Variants in SIPA1 observed in about 807,000 individuals in gnomAD.
The protein encoded by SIPA1 is signal-induced proliferation-associated protein 1.
In SIPA1, 51 loss-of-function variants were observed where a neutral mutation model predicts 88.1. The ratio of observed to expected loss-of-function variants is 0.58; its 90% confidence interval spans 0.46 to 0.73. SIPA1 has a LOEUF of 0.73. Among genes scored for constraint, SIPA1 ranks in the 30% least tolerant of loss-of-function variants. The pLI is 0.00. For missense variants in SIPA1, 1,348 were observed against 1,467.6 expected, an observed-to-expected ratio of 0.92 and a Z score of 1.33; for synonymous variants, 681 against 664.8, an observed-to-expected ratio of 1.02 and a Z score of -0.37.
chr11:65,642,255 C>A lies in SIPA1; in HGVS notation c.685C>A (p.Gln229Lys), dbSNP rs751360522. The change falls in exon 3 of 16, where the codon CAG (glutamine) becomes AAG (lysine). Residue 229 changes from glutamine to lysine, a missense_variant. Around this residue, in one of 4 missense-constraint regions of SIPA1, gnomAD observed 641 missense variants for 797.7 expected, o/e 0.80. Coordinates refer to ENST00000534313, the MANE Select transcript of SIPA1 (RefSeq NM_006747.4). The surrounding 1 kb of genome is among the most constrained non-coding windows in gnomAD (Gnocchi z 6.5). ...TCTTCGGCGCGGTCCCCCAGAACAT[C>A]AGAACTTCTTCGGGATGGACGAGTC... ...YRKYFYGKEHQNFFGMDESLG... is the reference protein window; with the variant it reads ...YRKYFYGKEHKNFFGMDESLG... 1.3e-6 allele frequency: 2 copies of A among 1,553,760 alleles called. No homozygotes were observed. The highest frequency in any genetic ancestry group is 2.4e-5 in the South Asian group (2 of 84,130).
intron 4 of SIPA1, 128 bp from the exon 5 acceptor site, chr11:65,644,827 G>A: frequency 2.2e-6 from 2 of 903,252 alleles, no homozygotes; most frequent in East Asian, 2.5e-5. Flanking sequence ...CACCTGACAG[G>A]CAAGGGCACA....
At position 65,646,873 on chromosome 11, in the gene SIPA1, C is replaced by G. The variant is rs201341786; in HGVS notation, c.1839C>G (p.Ile613Met). ...EGIEVPCLLG[I>M]SAEALVLVAP... ...TCGAGGTGCCCTGCCTGCTGGGCAT[C>G]TCGGCCGAGGCTCTGGTGCTGGTGG... Residue 613 changes from isoleucine to methionine, a missense_variant, in exon 8 of 16, where the codon ATC becomes ATG. This residue lies in a region of SIPA1 where 24 missense variants were observed against 51.1 expected (regional missense o/e 0.47). Transcript: ENST00000534313. This position sits in a 1 kb window ranked among gnomAD's most constrained non-coding sequence, Gnocchi z 7.5. 3,952 of 1,495,366 alleles carry G rather than the reference C, an allele frequency of 2.6e-3. 4 individuals are homozygous for G. The highest frequency in any genetic ancestry group is 3.3e-3 in the Non-Finnish European group (3,742 of 1,126,128). The allele number at this position is 1,495,366 out of a possible 1,614,324, so 92.6% of individuals were successfully genotyped here.
In SIPA1 at chr11:65,642,520, G is replaced by A; in HGVS notation, c.865G>A (p.Gly289Ser). 6.2e-7 allele frequency: 1 copy of A among 1,609,358 alleles called. No individual in the cohort carries two copies. Among genetic ancestry groups the A allele is most frequent in the Non-Finnish European group, 8.5e-7 (1 of 1,179,392 alleles). Residue 289 changes from glycine to serine, a missense_variant, in exon 4 of 16, where the codon GGT (glycine) becomes AGT (serine). This residue lies in a region of SIPA1 where 641 missense variants were observed against 797.7 expected (regional missense o/e 0.80). Transcript: ENST00000534313. This position sits in a 1 kb window ranked among gnomAD's most constrained non-coding sequence, Gnocchi z 6.5. The stretch of plus-strand genomic sequence containing the variant: ...CGCGCTGCCGCCGGGGCCCCCACGG[G>A]GTCTGTCCCCAAGGAAACTTCTGGA... ...EDALPPGPPR[G>S]LSPRKLLEHV...
chr11:65,650,714 G>A lies in SIPA1; in HGVS notation c.3128G>A (p.Ter1043=). 6.4e-7 allele frequency: 1 copy of A among 1,570,780 alleles called. No individual in the cohort carries two copies. The highest frequency in any genetic ancestry group is 1.8e-5 in the Admixed American group (1 of 54,822). ...QLGSPTADLA[*] ...GGCTCACCCACCGCCGACCTGGCCT[G>A]AGCCGTCTGGAACCACCTGGGCCCC... The change falls in exon 16 of 16, where the codon TGA becomes TAA. Residue 1043 remains the stop codon, a stop_retained_variant. Transcript: ENST00000534313.
chr11:65,650,335 C>T, intron 14 of SIPA1, 66 bp from the exon 15 acceptor site: 1 of 1,572,416 alleles, frequency 6.4e-7, no homozygotes, highest in Non-Finnish European at 8.7e-7. Context: ...TTAGCTGGGG[C>T]TGGGAGTCAG....
In SIPA1 at chr11:65,649,931, C is replaced by T; in HGVS notation, c.2747-19C>T. On this transcript the variant is annotated intron_variant, in intron 12 of 15. Transcript: ENST00000534313. The stretch of plus-strand genomic sequence containing the variant: ...TGCTCCTGGGCTTCCCTAGCTCAGC[C>T]TGCTCCTTGTGCCCACAGTCATGTC... The T allele has an allele frequency of 6.2e-7, 1 of 1,613,866 alleles. No individual in the cohort carries two copies.
rs1388458974 is a variant in SIPA1 at position 65,642,788 on chromosome 11, GTTC to G, written c.984+150_984+152del. Reference sequence around the variant, plus strand: ...GGCTTTTCAGAGACAGGGCATCAGAGTTCATCTGGAGCCTTGCGTCTCAAAGTG... The same window carrying G: ...GGCTTTTCAGAGACAGGGCATCAGAGATCTGGAGCCTTGCGTCTCAAAGTG... On this transcript the variant is annotated intron_variant, in intron 4 of 15. Coordinates refer to ENST00000534313, the MANE Select transcript of SIPA1 (RefSeq NM_006747.4). The surrounding 1 kb of genome is among the most constrained non-coding windows in gnomAD (Gnocchi z 6.5). The G allele has an allele frequency of 1.4e-6, 1 of 696,080 alleles. No homozygotes were observed. The highest frequency in any genetic ancestry group is 2.3e-6 in the Non-Finnish European group (1 of 439,780). The allele number at this position is 696,080 out of a possible 1,614,324, so 43.1% of individuals were successfully genotyped here. A position where few individuals can be genotyped will look rare whatever the true frequency, so the allele number is the denominator to read the frequency against.
intron 5 of SIPA1, 104 bp downstream of exon 5, chr11:65,645,233 G>A: frequency 8.4e-7 from 1 of 1,193,100 alleles, no homozygotes; most frequent in East Asian, 2.4e-5. Flanking sequence ...GCTGGGGACT[G>A]GAGAGTTCTT....
chr11:65,650,378 A>G, intron 14 of SIPA1, 23 bp from the exon 15 acceptor site: 1 of 1,611,748 alleles, frequency 6.2e-7, no homozygotes, highest in Non-Finnish European at 8.5e-7. Flanking sequence ...GGTCCTGCTG[A>G]GTCTTGACCC....
chr11:65,648,643 G>A (rs1309853703), intron 9 of SIPA1, among the ~76,000 whole-genome samples: 2 of 152,036 alleles, frequency 1.3e-5, no homozygotes, highest in Non-Finnish European at 2.9e-5. Context: ...AGACCAGCCT[G>A]GCCAACATGC....
At chr11:65,640,595 T>C (rs1007389661) in intron 1 of SIPA1, among the ~76,000 whole-genome samples, 4 of 152,156 alleles carry the variant, frequency 2.6e-5, no homozygotes, top group Non-Finnish European at 5.9e-5. Flanking sequence ...CTGCCCAGGC[T>C]CCAGGACCCT....
chr11:65,642,717 T>G lies in SIPA1; in HGVS notation c.984+78T>G. The stretch of plus-strand genomic sequence containing the variant: ...CCAGCCTGCCCAGCTCCCAAACCCC[T>G]AGCCTTGACCCTGATCCTGGGCTGG... On this transcript the variant is annotated intron_variant, in intron 4 of 15. Coordinates refer to ENST00000534313, the MANE Select transcript of SIPA1 (RefSeq NM_006747.4). This position sits in a 1 kb window ranked among gnomAD's most constrained non-coding sequence, Gnocchi z 6.5. 2 of 1,325,068 alleles carry G rather than the reference T, an allele frequency of 1.5e-6. No individual in the cohort carries two copies. Among genetic ancestry groups the G allele is most frequent in the Non-Finnish European group, 2.0e-6 (2 of 999,874 alleles). The allele number at this position is 1,325,068 out of a possible 1,614,324, so 82.1% of individuals were successfully genotyped here.
At position 65,646,822 on chromosome 11, in the gene SIPA1, G is replaced by A. The variant is rs1856129866; in HGVS notation, c.1788G>A (p.Gly596=). The A allele has an allele frequency of 7.7e-7, 1 of 1,302,342 alleles. No homozygotes were observed. The highest frequency in any genetic ancestry group is 9.7e-7 in the Non-Finnish European group (1 of 1,028,036). The allele number at this position is 1,302,342 out of a possible 1,614,324, so 80.7% of individuals were successfully genotyped here. A position where few individuals can be genotyped will look rare whatever the true frequency, so the allele number is the denominator to read the frequency against. ...RAAPGARVAA[G]AQASGPEGIE... is the part of the protein sequence containing the mutation. Reference sequence around the variant, plus strand: ...CGCCCGGGGCGCGGGTCGCCGCCGGGGCTCAGGCGAGCGGCCCCGAAGGCA... The same window carrying A: ...CGCCCGGGGCGCGGGTCGCCGCCGGAGCTCAGGCGAGCGGCCCCGAAGGCA... The change falls in exon 8 of 16, where the codon GGG becomes GGA. Residue 596 remains glycine, a synonymous_variant. Transcript: ENST00000534313. The surrounding 1 kb of genome is among the most constrained non-coding windows in gnomAD (Gnocchi z 7.5).
At chr11:65,641,907 C>G (rs1445375516) in intron 2 of SIPA1, among the ~76,000 whole-genome samples, 1 of 152,202 alleles carries the variant, frequency 6.6e-6, no homozygotes, top group Non-Finnish European at 1.5e-5. Flanking sequence ...GGTGAAAACT[C>G]AGGCCTCAAA....
chr11:65,641,721 A>T lies in SIPA1; in HGVS notation c.679+121A>T. ...TTCCTGTAAAGTCCCTGGCCCTGGG[A>T]GGGCTCAAGAGCTGAGCTGGGGTCC... On this transcript the variant is annotated intron_variant, in intron 2 of 15. Coordinates refer to ENST00000534313, the MANE Select transcript of SIPA1 (RefSeq NM_006747.4). The T allele has an allele frequency of 3.2e-6, 3 of 948,664 alleles. No homozygotes were observed. The South Asian group carries it at 5.2e-5, about 16-fold the overall frequency. 58.8% of individuals were successfully genotyped at this position (948,664 alleles called of 1,614,324 possible). A position where few individuals can be genotyped will look rare whatever the true frequency, so the allele number is the denominator to read the frequency against.
intron 8 of SIPA1, 109 bp downstream of exon 8, chr11:65,647,174 A>C: frequency 7.1e-7 from 1 of 1,417,578 alleles, no homozygotes; most frequent in South Asian, 1.5e-5. Flanking sequence ...GGGAAAGTCG[A>C]GGAGGGCAGA....
rs768470865 is a variant in SIPA1, at chr11:65,649,860, G to C, written c.2741G>C (p.Ser914Thr). Residue 914 changes from serine (S) to threonine (T), a missense_variant, in exon 12 of 16, where the codon AGC (serine) becomes ACC (threonine). Physicochemically the swap from Ser to Thr is moderately conservative, Grantham distance 58. Coordinates refer to ENST00000534313, the MANE Select transcript of SIPA1 (RefSeq NM_006747.4). ...PRTLSLRNSI[S>T]RIMSEAGSGT... Reference sequence around the variant, plus strand: ...ACCTTGTCTCTGCGGAACTCCATCAGCAGGAGTGAGTCTGGACCCAGGAGA... The same window carrying C: ...ACCTTGTCTCTGCGGAACTCCATCACCAGGAGTGAGTCTGGACCCAGGAGA... 9 of 1,613,928 alleles carry C rather than the reference G, an allele frequency of 5.6e-6. No individual in the cohort carries two copies. In the African/African-American group the frequency reaches 1.1e-4, roughly 19 times the overall value.
At chr11:65,650,548 C>G in intron 15 of SIPA1, 21 bp from the exon 16 acceptor site, 1 of 1,609,602 alleles carries the variant, frequency 6.2e-7, no homozygotes, top group South Asian at 1.1e-5. Context: ...GGCTCTGACT[C>G]CTGTCTCCCC....
chr11:65,647,958 G>A lies in SIPA1; in HGVS notation c.2306+300G>A, dbSNP rs1027007061. On this transcript the variant is annotated intron_variant, in intron 9 of 15. Coordinates refer to ENST00000534313, the MANE Select transcript of SIPA1 (RefSeq NM_006747.4). ...GTGATTTCGGCTTACTGCAACATCC[G>A]CCTCCCAGGTTCAAGCAGTTCTCCT... is the stretch of plus-strand genomic sequence containing the variant. Among the ~76,000 whole-genome samples, 4 of 150,530 alleles carry A rather than the reference G, an allele frequency of 2.7e-5. No individual in the cohort carries two copies. In the East Asian group the frequency reaches 7.8e-4, roughly 29 times the overall value.
Sources: gnomAD v4.1 joint callset for allele counts (sites outside exome capture counted in the v4.1 genomes callset) on GRCh38, gnomAD v4.1.1 for gene constraint, gnomAD v4.1.1 regional missense constraint, Gnocchi (gnomAD v3.1) non-coding constraint, MANE v1.5 for transcripts, NCBI Gene and HGNC (gene_info 2026-07-23, HGNC 2026-07-21) for gene names.